The following CYP2W1 variants were observed in gnomAD, a reference collection of about 807,000 sequenced individuals.
CYP2W1 encodes the protein cytochrome P450 family 2 subfamily W member 1.
A neutral mutation model predicts 44.9 loss-of-function variants in CYP2W1; 51 were observed. That is an observed-to-expected ratio of 1.14 (90% CI 0.91 to 1.43). The LOEUF is 1.43. CYP2W1 is among the 40% of genes most tolerant of loss of function. CYP2W1 has a pLI of 0.00. For synonymous variants in CYP2W1, 383 were observed against 338.3 expected (o/e 1.13, Z -1.45); for missense variants, 746 against 700.0 (o/e 1.07, Z -0.74).
At position 988,372 on chromosome 7, in the gene CYP2W1, G is replaced by C. The variant is rs146108762; in HGVS notation, c.1239G>C (p.Ala413=). 3 of 1,612,670 alleles carry C rather than the reference G, an allele frequency of 1.9e-6. No individual in the cohort carries two copies. The highest frequency in any genetic ancestry group is 2.2e-5 in the East Asian group (1 of 44,874). Residue 413 remains alanine (A), a synonymous_variant, in exon 8 of 9, where the codon GCG becomes GCC. Transcript: ENST00000308919. ...GQFNPGHFLD[A]NGHFVKREAF... Reference sequence around the variant, plus strand: ...TCAACCCCGGCCATTTCCTGGACGCGAATGGGCACTTTGTGAAGCGGGAGG... The same window carrying C: ...TCAACCCCGGCCATTTCCTGGACGCCAATGGGCACTTTGTGAAGCGGGAGG...
chr7:987,132 C>T lies in CYP2W1; in HGVS notation c.845C>T (p.Ala282Val), dbSNP rs79364415. The T allele has an allele frequency of 2.6e-6, 4 of 1,565,940 alleles. No individual in the cohort carries two copies. Among genetic ancestry groups the T allele is most frequent in the East Asian group, 2.3e-5 (1 of 42,814 alleles). ...GQGDDPEGLF[A>V]EANAVACTLD... is the part of the protein sequence containing the mutation. ...GGGGATGACCCCGAGGGCCTGTTTG[C>T]TGAGGCCAACGCGGTGGCCTGCACC... Residue 282 changes from alanine (A) to valine (V), a missense_variant, in exon 6 of 9, where the codon GCT becomes GTT. Transcript: ENST00000308919.
intron 1 of CYP2W1, among the ~76,000 whole-genome samples, chr7:984,030 C>G (rs922403172): frequency 6.6e-6 from 1 of 152,210 alleles, no homozygotes; most frequent in Non-Finnish European, 1.5e-5. Context: ...GAAGACGGAT[C>G]AGGGTCTCTG....
At position 985,033 on chromosome 7, in the gene CYP2W1, G is replaced by C. The variant is rs1848221347; in HGVS notation, c.421G>C (p.Glu141Gln). Residue 141 changes from glutamate (E) to glutamine (Q), a missense_variant, in exon 3 of 9, where the codon GAG becomes CAG. Physicochemically the swap from Glu to Gln is conservative, Grantham distance 29. Coordinates refer to ENST00000308919, the MANE Select transcript of CYP2W1 (RefSeq NM_017781.3). ...RALHSLGVGR[E>Q]PVADKILQEL... ...CCTGCACAGCCTGGGCGTGGGCCGG[G>C]AGCCGGTGGCTGACAAGATTCTGCA... The C allele has an allele frequency of 6.2e-7, 1 of 1,612,286 alleles. No individual in the cohort carries two copies. The highest frequency in any genetic ancestry group is 1.3e-5 in the African/African-American group (1 of 74,938).
At chr7:986,534 T>C in intron 4 of CYP2W1, 90 bp from the exon 5 acceptor site, 3 of 1,490,706 alleles carry the variant, frequency 2.0e-6, no homozygotes, top group Non-Finnish European at 2.8e-6. Context: ...TCCCTGGGCG[T>C]GAACACAGCC....
rs1384269857 is a variant in CYP2W1 at position 987,307 on chromosome 7, G to A, written c.959-40G>A. The A allele has an allele frequency of 2.0e-6, 3 of 1,531,936 alleles. No individual in the cohort carries two copies. The African/African-American group carries it at 4.1e-5, about 21-fold the overall frequency. 94.9% of individuals were successfully genotyped at this position (1,531,936 alleles called of 1,614,324 possible). On this transcript the variant is annotated intron_variant, in intron 6 of 8. Transcript: ENST00000308919. ...CCCCCGGGGGACCCCCAGGGACGAG[G>A]GATGGCGCTGCCACCCAAGCGGCCC...
chr7:985,344 C>G (rs1408190495), intron 4 of CYP2W1, 21 bp downstream of exon 4: 1 of 1,546,748 alleles, frequency 6.5e-7, no homozygotes, highest in Admixed American at 2.0e-5. Flanking sequence ...GCCTCCCATC[C>G]TTGGGGTGGG....
rs2272375 is a variant in CYP2W1 at position 983,377 on chromosome 7, C to T, written c.166C>T (p.Leu56=). The T allele has an allele frequency of 0.32, 480,032 of 1,512,780 alleles. 77,531 individuals carry two copies. The highest frequency in any genetic ancestry group is 0.47 in the African/African-American group (33,509 of 72,028). 93.7% of individuals were successfully genotyped at this position (1,512,780 alleles called of 1,614,324 possible). A position where few individuals can be genotyped will look rare whatever the true frequency, so the allele number is the denominator to read the frequency against. The part of the protein sequence containing the change: ...LLRLSQQDRS[L]MELSERYGPV... Reference sequence around the variant, plus strand: ...GCGTCTGTCGCAACAGGACCGGTCCCTGATGGAGGTAAGTCAGGGAGCCCG... The same window carrying T: ...GCGTCTGTCGCAACAGGACCGGTCCTTGATGGAGGTAAGTCAGGGAGCCCG... Residue 56 remains leucine, a synonymous_variant, in exon 1 of 9, where the codon CTG becomes TTG. Transcript: ENST00000308919.
intron 2 of CYP2W1, 34 bp from the exon 3 acceptor site, chr7:984,916 A>G: frequency 1.3e-6 from 2 of 1,552,250 alleles, no homozygotes; most frequent in Non-Finnish European, 1.7e-6. Flanking sequence ...TGGGGTGGGA[A>G]CCTGGGCTCA....
At chr7:986,360 C>T (rs1355802807) in intron 4 of CYP2W1, 2 of 536,006 alleles carry the variant, frequency 3.7e-6, no homozygotes, top group Non-Finnish European at 6.7e-6. Flanking sequence ...GTGGCAGCTG[C>T]CTCCCTCCTC....
rs1164266110 is a variant in CYP2W1, at chr7:986,815, A to T, written c.819+18A>T. ...AGGGACAGGTGTGTCGGGACCCAAGACCTCCTTGAAGGCCTGTAGGGGTCC... is the reference window on the plus strand; with the variant it reads ...AGGGACAGGTGTGTCGGGACCCAAGTCCTCCTTGAAGGCCTGTAGGGGTCC... On this transcript the variant is annotated intron_variant, in intron 5 of 8. Coordinates refer to ENST00000308919, the MANE Select transcript of CYP2W1 (RefSeq NM_017781.3). 6.6e-7 allele frequency: 1 copy of T among 1,516,276 alleles called. No individual in the cohort carries two copies. The highest frequency in any genetic ancestry group is 2.1e-5 in the Admixed American group (1 of 48,100). The allele number at this position is 1,516,276 out of a possible 1,614,324, so 93.9% of individuals were successfully genotyped here.
intron 1 of CYP2W1, 131 bp downstream of exon 1, chr7:983,516 A>T (rs1265946705): frequency 2.2e-6 from 2 of 924,264 alleles, no homozygotes; most frequent in Non-Finnish European, 2.9e-6. Context: ...GGCACGCAGG[A>T]GGCCGGAGGG....
At chr7:986,241 C>G (rs1848334998) in intron 4 of CYP2W1, among the ~76,000 whole-genome samples, 1 of 152,206 alleles carries the variant, frequency 6.6e-6, no homozygotes, top group South Asian at 2.1e-4. Flanking sequence ...GCTCACCCCT[C>G]AGATACAGCC....
In CYP2W1 at chr7:985,192, G is replaced by A. The variant is rs1848237600; in HGVS notation, c.514G>A (p.Gly172Ser). The A allele has an allele frequency of 6.4e-7, 1 of 1,568,748 alleles. No homozygotes were observed. Reference protein sequence around the residue: ...RGRPFPLALLGWAPSNITFAL... With the variant: ...RGRPFPLALLSWAPSNITFAL... ...CCGGCCCTTCCCGCTGGCCCTACTG[G>A]GCTGGGCTCCCTCCAATATCACCTT... Residue 172 changes from glycine (G) to serine (S), a missense_variant, in exon 4 of 9, where the codon GGC becomes AGC. Transcript: ENST00000308919.
intron 1 of CYP2W1, 89 bp from the exon 2 acceptor site, chr7:984,306 TTTTCCCTCTGTCCCCAC>T: frequency 7.1e-7 from 1 of 1,404,856 alleles, no homozygotes; most frequent in Admixed American, 2.6e-5. Flanking sequence ...CCTGCCCCCA[TTTTCCCTCTGTCCCCAC>T]CCCTACCCAG....
At position 985,290 on chromosome 7, in the gene CYP2W1, G is replaced by T. The variant is rs1037197465; in HGVS notation, c.612G>T (p.Glu204Asp). Residue 204 changes from glutamate to aspartate, a missense_variant, in exon 4 of 9, where the codon GAG (glutamate) becomes GAT (aspartate). Coordinates refer to ENST00000308919, the MANE Select transcript of CYP2W1 (RefSeq NM_017781.3). ...VFVSLLGLID[E>D]VMVLLGSPGL... Reference sequence around the variant, plus strand: ...TGTCCCTGCTGGGTCTCATCGATGAGGTCATGGTCCTCTTGGGGTCCCCTG... The same window carrying T: ...TGTCCCTGCTGGGTCTCATCGATGATGTCATGGTCCTCTTGGGGTCCCCTG... The T allele has an allele frequency of 3.2e-6, 5 of 1,551,510 alleles. No individual in the cohort carries two copies. Among genetic ancestry groups the T allele is most frequent in the Non-Finnish European group, 4.4e-6 (5 of 1,147,394 alleles).
intron 1 of CYP2W1, among the ~76,000 whole-genome samples, 173 bp from the exon 2 acceptor site, chr7:984,239 C>T (rs1470899955): frequency 3.9e-5 from 6 of 152,332 alleles, no homozygotes; most frequent in African/African-American, 9.6e-5. Context: ...CCAGGCTGGG[C>T]GCTGCCCCCT....
Position 983,444 on chromosome 7 carries a change from C to G in CYP2W1, c.174+59C>G, listed in dbSNP as rs376904688. Reference sequence around the variant, plus strand: ...TGGACAGCTGCCGTGTCCTGGCCCCCCTCCTGGGGAAGCCCAGCCCGGTTT... The same window carrying G: ...TGGACAGCTGCCGTGTCCTGGCCCCGCTCCTGGGGAAGCCCAGCCCGGTTT... On this transcript the variant is annotated intron_variant, in intron 1 of 8. Coordinates refer to ENST00000308919, the MANE Select transcript of CYP2W1 (RefSeq NM_017781.3). 1.7e-4 allele frequency: 228 copies of G among 1,364,542 alleles called. 1 individual carries two copies. The highest frequency in any genetic ancestry group is 7.6e-4 in the East Asian group (26 of 34,342). 84.5% of individuals were successfully genotyped at this position (1,364,542 alleles called of 1,614,324 possible).
In CYP2W1 at chr7:984,398, G is replaced by A. The variant is rs746474810; in HGVS notation, c.175-14G>A. The A allele has an allele frequency of 7.8e-6, 12 of 1,544,824 alleles. No individual in the cohort carries two copies. The highest frequency in any genetic ancestry group is 9.6e-6 in the Non-Finnish European group (11 of 1,146,514). On this transcript the variant is annotated splice_polypyrimidine_tract_variant and intron_variant, in intron 1 of 8. Transcript: ENST00000308919. Reference sequence around the variant, plus strand: ...GGTGAGGGCTGCCCGGGTGACCCCCGCCATCCCTGCCAGCTCTCAGAACGC... The same window carrying A: ...GGTGAGGGCTGCCCGGGTGACCCCCACCATCCCTGCCAGCTCTCAGAACGC...
intron 4 of CYP2W1, 140 bp from the exon 5 acceptor site, chr7:986,484 C>A: frequency 1.1e-6 from 1 of 948,024 alleles, no homozygotes; most frequent in Non-Finnish European, 1.6e-6. Context: ...GGCTAAGGGT[C>A]CCCCCGTTCT....
Sources: gnomAD v4.1 joint callset for allele counts (sites outside exome capture counted in the v4.1 genomes callset) on GRCh38, gnomAD v4.1.1 for gene constraint, MANE v1.5 for transcripts, NCBI Gene and HGNC (gene_info 2026-07-23, HGNC 2026-07-21) for gene names.